Variants in RAB38 observed in about 807,000 individuals in gnomAD.
RAB38 encodes the protein RAB38, member RAS oncogene family.
In RAB38, 15 loss-of-function variants were observed where a neutral mutation model predicts 18.4. The observed-to-expected ratio is 0.82, with a 90% CI of 0.55 to 1.26. The LOEUF (loss-of-function observed/expected upper bound fraction) is 1.26. Among genes scored for constraint, RAB38 ranks in the 50% most tolerant of loss-of-function variants. The pLI is 0.00. For missense variants in RAB38, 294 were observed against 267.4 expected, an observed-to-expected ratio of 1.10 and a Z score of -0.69; for synonymous variants, 101 against 104.4, an observed-to-expected ratio of 0.97 and a Z score of 0.20.
chr11:87,825,970 G>A, the RAB38 span, among the ~76,000 whole-genome samples: 3 of 152,082 alleles, frequency 2.0e-5, no homozygotes, highest in South Asian at 6.2e-4. Context: ...ATAAATGGTG[G>A]TTTAATTAAA....
At chr11:87,903,157 T>C in the RAB38 span, among the ~76,000 whole-genome samples, 7 of 151,556 alleles carry the variant, frequency 4.6e-5, no homozygotes, top group East Asian at 1.4e-3. Flanking sequence ...GTTCCCAGGC[T>C]TAAAAGAAAA....
chr11:87,819,678 G>GTA, the RAB38 span, among the ~76,000 whole-genome samples: 11 of 145,102 alleles, frequency 7.6e-5, no homozygotes, highest in African/African-American at 2.6e-4. Context: ...ATATATATGT[G>GTA]TATATATATA....
the RAB38 span, among the ~76,000 whole-genome samples, chr11:87,808,653 G>T: frequency 5.9e-4 from 89 of 151,954 alleles, no homozygotes; most frequent in African/African-American, 2.1e-3. Flanking sequence ...TAAGAGAGTA[G>T]ATTTTAAGTG....
intron 2 of RAB38, among the ~76,000 whole-genome samples, chr11:88,148,837 C>T (rs778089535): frequency 2.8e-4 from 42 of 152,016 alleles, no homozygotes; most frequent in Non-Finnish European, 4.7e-4. Flanking sequence ...TATGCACACA[C>T]ACAAAAATCA....
chr11:88,116,158 T>G, intron 2 of RAB38, among the ~76,000 whole-genome samples: 1 of 152,322 alleles, frequency 6.6e-6, no homozygotes, highest in African/African-American at 2.4e-5. Context: ...AGGCAGGGCC[T>G]TGCTTTTTGG....
At chr11:88,158,038 T>C (rs1463189022) in intron 1 of RAB38, among the ~76,000 whole-genome samples, 3 of 151,584 alleles carry the variant, frequency 2.0e-5, no homozygotes, top group African/African-American at 7.3e-5. Context: ...ACAAGCTAAA[T>C]TAACAAAGAA....
chr11:87,862,269 T>C, the RAB38 span, among the ~76,000 whole-genome samples: 2 of 151,920 alleles, frequency 1.3e-5, no homozygotes, highest in Admixed American at 6.6e-5. Flanking sequence ...TAAATGCCCA[T>C]GAACAATAGA....
chr11:88,141,858 T>C (rs1195955713), intron 2 of RAB38, among the ~76,000 whole-genome samples: 1 of 152,200 alleles, frequency 6.6e-6, no homozygotes, highest in African/African-American at 2.4e-5. Context: ...ATTTTACAAG[T>C]CTGTGTTCCC....
At chr11:88,042,187 A>C in the RAB38 span, among the ~76,000 whole-genome samples, 2 of 152,148 alleles carry the variant, frequency 1.3e-5, no homozygotes, top group African/African-American at 4.8e-5. Flanking sequence ...TAGACTTCCT[A>C]GGAAAAGGTA....
chr11:87,831,436 A>G, the RAB38 span, among the ~76,000 whole-genome samples: 1 of 152,218 alleles, frequency 6.6e-6, no homozygotes, highest in Admixed American at 6.5e-5. Context: ...TGCTGCAGGA[A>G]TTCAGATGAG....
At chr11:87,893,371 C>CATATATATATATGTATATATATATATAT in the RAB38 span, among the ~76,000 whole-genome samples, 2 of 86,444 alleles carry the variant, frequency 2.3e-5, no homozygotes, top group Non-Finnish European at 2.2e-5. Context: ...ATATATTTTA[C>CATATATATATATGTATATATATATATAT]ATATATATAT....
chr11:87,806,975 A>G, the RAB38 span, among the ~76,000 whole-genome samples: 1 of 152,314 alleles, frequency 6.6e-6, no homozygotes, highest in East Asian at 1.9e-4. Context: ...CAGGCTGCAC[A>G]CCAGGAGGTG....
At chr11:87,974,540 T>C in the RAB38 span, among the ~76,000 whole-genome samples, 1,044 of 151,898 alleles carry the variant, frequency 6.9e-3, 7 homozygotes, top group Middle Eastern at 0.014. Context: ...AAAAATAAGA[T>C]AGAGAATAAT....
chr11:87,847,645 G>C, the RAB38 span, among the ~76,000 whole-genome samples: 1 of 152,024 alleles, frequency 6.6e-6, no homozygotes, highest in African/African-American at 2.4e-5. Context: ...GTGAGATGGT[G>C]GGAAGGTACA....
the RAB38 span, chr11:87,817,633 T>C: frequency 6.6e-6 from 1 of 152,152 alleles, no homozygotes; most frequent in East Asian, 1.9e-4. Context: ...CCTTTAAAAG[T>C]TGGTTCACAT....
At chr11:87,859,269 C>T in the RAB38 span, among the ~76,000 whole-genome samples, 1 of 151,778 alleles carries the variant, frequency 6.6e-6, no homozygotes, top group African/African-American at 2.4e-5. Context: ...TAGCAGATGT[C>T]CCTAGATTTT....
the RAB38 span, among the ~76,000 whole-genome samples, chr11:87,924,146 C>A: frequency 3.9e-5 from 6 of 152,044 alleles, no homozygotes; most frequent in Non-Finnish European, 7.4e-5. Context: ...CACTATTTTC[C>A]TTATGTGACT....
intron 2 of RAB38, chr11:88,115,663 A>T (rs1178732543): frequency 6.6e-6 from 1 of 152,064 alleles, no homozygotes; most frequent in African/African-American, 2.4e-5. Context: ...TTATTATATT[A>T]TTGTTGTTGC....
chr11:87,944,540 C>G, the RAB38 span, among the ~76,000 whole-genome samples: 6 of 152,138 alleles, frequency 3.9e-5, no homozygotes, highest in Non-Finnish European at 8.8e-5. Flanking sequence ...TGTGCCTACT[C>G]TTCTCTCAGC....
Sources: allele counts gnomAD v4.1 joint callset (sites outside exome capture counted in the v4.1 genomes callset), GRCh38; gene constraint gnomAD v4.1.1; transcripts MANE v1.5; gene names NCBI Gene and HGNC (gene_info 2026-07-23, HGNC 2026-07-21).